The following MMADHC variants were observed in gnomAD, a reference collection of about 807,000 sequenced individuals.
MMADHC encodes metabolism of cobalamin associated D, also known as cobalamin trafficking protein CblD.
MMADHC carries 23 observed loss-of-function variants against 36.3 expected under a neutral mutation model. That is an observed-to-expected ratio of 0.63 (90% CI 0.46 to 0.90). The LOEUF is 0.90. Ranked by LOEUF, MMADHC falls within the 40% of genes least tolerant of loss-of-function variation. The pLI is 0.00. For synonymous variants in MMADHC, 97 were observed against 116.1 expected, an observed-to-expected ratio of 0.84 and a Z score of 1.06; for missense variants, 330 against 348.0, an observed-to-expected ratio of 0.95 and a Z score of 0.41.
chr2:149,574,089 C>A (rs915340976), intron 6 of MMADHC, among the ~76,000 whole-genome samples: 3 of 152,068 alleles, frequency 2.0e-5, no homozygotes, highest in African/African-American at 7.2e-5. Flanking sequence ...TTAAAACTCT[C>A]AAGATGAAGC....
At chr2:149,576,371 A>G (rs1317118818) in intron 5 of MMADHC, 66 bp downstream of exon 5, 3 of 1,068,362 alleles carry the variant, frequency 2.8e-6, no homozygotes, top group East Asian at 4.7e-5. Flanking sequence ...CAATTTCTAT[A>G]GAGTACATTA....
chr2:149,580,690 G>A (rs571103253), intron 3 of MMADHC, among the ~76,000 whole-genome samples: 69 of 152,230 alleles, frequency 4.5e-4, no homozygotes, highest in Non-Finnish European at 2.5e-4. Flanking sequence ...CTCATTCCTG[G>A]ATCATGAGCC....
chr2:149,584,579 T>C (rs1332216432), intron 2 of MMADHC, among the ~76,000 whole-genome samples: 4 of 152,336 alleles, frequency 2.6e-5, no homozygotes, highest in East Asian at 1.9e-4. Context: ...TTCTTGGTGA[T>C]AGAACTTTTA....
At chr2:149,576,380 T>G in intron 5 of MMADHC, 57 bp downstream of exon 5, 1 of 1,138,168 alleles carries the variant, frequency 8.8e-7, no homozygotes, top group Admixed American at 1.7e-5. Flanking sequence ...TAGAGTACAT[T>G]ATTCAACATA....
intron 6 of MMADHC, among the ~76,000 whole-genome samples, chr2:149,574,808 CTTTT>C (rs1682689781): frequency 6.6e-6 from 1 of 152,120 alleles, no homozygotes; most frequent in Non-Finnish European, 1.5e-5. Flanking sequence ...TAAGAAACTT[CTTTT>C]ATAAGAGATG....
chr2:149,571,790 G>GA (rs5835261), intron 6 of MMADHC, among the ~76,000 whole-genome samples: 93,037 of 141,982 alleles, frequency 0.66, 33,193 homozygotes, highest in East Asian at 0.85. Flanking sequence ...AAAAAAAAAA[G>GA]AAAAAAAAAA....
At chr2:149,578,334 G>A (rs1055118813) in intron 4 of MMADHC, among the ~76,000 whole-genome samples, 9 of 152,120 alleles carry the variant, frequency 5.9e-5, no homozygotes, top group African/African-American at 2.2e-4. Context: ...TTTATCTTAC[G>A]AGAGAGGGGA....
intron 2 of MMADHC, among the ~76,000 whole-genome samples, chr2:149,584,451 G>C (rs770370428): frequency 1.3e-5 from 2 of 152,128 alleles, no homozygotes; most frequent in Admixed American, 1.3e-4. Context: ...CATTCACATC[G>C]TTTCACAAGC....
At chr2:149,587,303 C>G (rs539303942) in intron 1 of MMADHC, 154 bp from the exon 2 acceptor site, 1 of 615,942 alleles carries the variant, frequency 1.6e-6, no homozygotes, top group Non-Finnish European at 2.9e-6. Context: ...AACTCGCCCC[C>G]ATGCCAGGCA....
In MMADHC at chr2:149,570,057, A is replaced by G. The variant is rs2105041421; in HGVS notation, c.808T>C (p.Trp270Arg). 4 of 1,613,794 alleles carry G rather than the reference A, an allele frequency of 2.5e-6. No individual in the cohort carries two copies. ...GCCKVIRHSL[W>R]GTHVVVGSIF... ...CTCCCTACAACTACATGGGTACCCC[A>G]GAGACTATGACGAATCACTTTACAG... The change falls in exon 8 of 8, where the codon TGG (tryptophan) becomes CGG (arginine). Residue 270 changes from tryptophan (W) to arginine (R), a missense_variant. Physicochemically the swap from Trp to Arg is moderately radical, Grantham distance 101 (BLOSUM62 -3). Coordinates refer to ENST00000303319, the MANE Select transcript of MMADHC (RefSeq NM_015702.3).
At chr2:149,574,364 G>A (rs1289178667) in intron 6 of MMADHC, among the ~76,000 whole-genome samples, 1 of 152,050 alleles carries the variant, frequency 6.6e-6, no homozygotes, top group Admixed American at 6.5e-5. Context: ...AAAACCACAC[G>A]AAATCTATTA....
rs1435580223 is a variant in MMADHC at position 149,571,077 on chromosome 2, T to G, written c.696+8A>C. 1 of 1,587,616 alleles carries G rather than the reference T, an allele frequency of 6.3e-7. No individual in the cohort carries two copies. Among genetic ancestry groups the G allele is most frequent in the Non-Finnish European group, 8.6e-7 (1 of 1,156,162 alleles). The stretch of plus-strand genomic sequence containing the variant: ...ATATAATCTGATTTTCAAATGATAA[T>G]TACTCACTGCCAAACCAGATGATGG... On this transcript the variant is annotated splice_region_variant and intron_variant, in intron 7 of 7. Coordinates refer to ENST00000303319, the MANE Select transcript of MMADHC (RefSeq NM_015702.3).
chr2:149,580,261 C>T (rs1268337354), intron 3 of MMADHC, among the ~76,000 whole-genome samples: 1 of 152,028 alleles, frequency 6.6e-6, no homozygotes, highest in Non-Finnish European at 1.5e-5. Flanking sequence ...TGTGCCAGGC[C>T]CATGTTTTTA....
intron 2 of MMADHC, 71 bp from the exon 3 acceptor site, chr2:149,582,342 C>A (rs1682807483): frequency 6.7e-7 from 1 of 1,496,878 alleles, no homozygotes; most frequent in Non-Finnish European, 9.2e-7. Context: ...CAATCTCTGG[C>A]AAATCTTCAC....
chr2:149,581,845 T>C (rs1173150780), intron 3 of MMADHC, among the ~76,000 whole-genome samples: 1 of 152,174 alleles, frequency 6.6e-6, no homozygotes, highest in African/African-American at 2.4e-5. Flanking sequence ...AATAATAATA[T>C]GGTTTAACAG....
intron 4 of MMADHC, 73 bp from the exon 5 acceptor site, chr2:149,576,615 T>C: frequency 1.1e-6 from 1 of 950,322 alleles, no homozygotes; most frequent in Non-Finnish European, 1.7e-6. Context: ...GTTATAAACC[T>C]GTCTTCCTTA....
At chr2:149,570,276 A>C in intron 7 of MMADHC, 108 bp from the exon 8 acceptor site, 2 of 963,672 alleles carry the variant, frequency 2.1e-6, no homozygotes, top group Admixed American at 2.2e-5. Context: ...ATATTTAAAA[A>C]ACTAAATAAG....
At chr2:149,571,833 G>A (rs1682645476) in intron 6 of MMADHC, among the ~76,000 whole-genome samples, 1 of 151,334 alleles carries the variant, frequency 6.6e-6, no homozygotes, top group Non-Finnish European at 1.5e-5. Context: ...AATGCTCTTA[G>A]TGAAAACATC....
Position 149,579,663 on chromosome 2 carries a change from C to G in MMADHC, c.155-15G>C. 2 of 1,603,814 alleles carry G rather than the reference C, an allele frequency of 1.2e-6. No individual in the cohort carries two copies. The highest frequency in any genetic ancestry group is 8.5e-7 in the Non-Finnish European group (1 of 1,171,596). ...TGTTCGAGAGCCTGAAGAGAAACAA[C>G]AAAAGGAACAGTTTCTCCTTAATAG... is the stretch of plus-strand genomic sequence containing the variant. On this transcript the variant is annotated splice_polypyrimidine_tract_variant and intron_variant, in intron 3 of 7. Transcript: ENST00000303319.
Sources: allele counts gnomAD v4.1 joint callset (sites outside exome capture counted in the v4.1 genomes callset), GRCh38; gene constraint gnomAD v4.1.1; transcripts MANE v1.5; gene names NCBI Gene and HGNC (gene_info 2026-07-23, HGNC 2026-07-21).